The following VPS13B variants were observed in gnomAD, a reference collection of about 807,000 sequenced individuals.
The protein encoded by VPS13B is intermembrane lipid transfer protein VPS13B.
In VPS13B, 285 loss-of-function variants were observed where a neutral mutation model predicts 426.4. The ratio of observed to expected loss-of-function variants is 0.67; its 90% confidence interval spans 0.61 to 0.74. The LOEUF (loss-of-function observed/expected upper bound fraction) is 0.74, where lower values mean the gene tolerates loss of function less well. Among genes scored for constraint, VPS13B ranks in the 30% least tolerant of loss-of-function variants. VPS13B has a pLI of 0.00. For synonymous variants in VPS13B, 1,676 were observed against 1,676.4 expected (o/e 1.00, Z 0.01); for missense variants, 4,537 against 4,782.6 (o/e 0.95, Z 1.51).
chr8:99,051,902 G>A (rs2132266883), intron 3 of VPS13B, among the ~76,000 whole-genome samples: 1 of 152,312 alleles, frequency 6.6e-6, no homozygotes, highest in South Asian at 2.1e-4. Context: ...CTTTGCTGAA[G>A]TCGCCTATCA....
At chr8:99,783,429 T>G (rs970617358) in intron 42 of VPS13B, among the ~76,000 whole-genome samples, 5 of 152,224 alleles carry the variant, frequency 3.3e-5, no homozygotes, top group Admixed American at 1.3e-4. Context: ...AGCATTCTTT[T>G]AGTTTACCAA....
At chr8:99,534,979 G>A (rs1239123358) in intron 30 of VPS13B, among the ~76,000 whole-genome samples, 4 of 152,114 alleles carry the variant, frequency 2.6e-5, no homozygotes, top group Non-Finnish European at 4.4e-5. Context: ...AATGTGAGAA[G>A]CAGTGTTGGC....
rs548009194 is a variant in VPS13B, at chr8:99,806,307, T to C, written c.7942-3068T>C. Among the ~76,000 whole-genome samples, 9 of 152,378 alleles carry C rather than the reference T, an allele frequency of 5.9e-5. No individual in the cohort carries two copies. The South Asian group carries it at 1.9e-3, about 32-fold the overall frequency. On this transcript the variant is annotated intron_variant, in intron 43 of 61. Transcript: ENST00000357162. ...TTAACCTTGTCCCGAGCATGTGTAC[T>C]ACTTTGCACATCTCACATTGTCTTT...
chr8:99,055,488 C>T (rs924603555), intron 3 of VPS13B, among the ~76,000 whole-genome samples: 1 of 152,194 alleles, frequency 6.6e-6, no homozygotes, highest in East Asian at 1.9e-4. Context: ...GTATTAGCAT[C>T]TTAACGATGT....
intron 19 of VPS13B, among the ~76,000 whole-genome samples, chr8:99,339,682 A>G (rs1811130385): frequency 6.6e-6 from 1 of 152,080 alleles, no homozygotes; most frequent in Non-Finnish European, 1.5e-5. Flanking sequence ...TTTTACGGAA[A>G]GGGAACCATA....
chr8:99,492,510 C>CGGTG (rs1820666157), intron 25 of VPS13B, among the ~76,000 whole-genome samples: 1 of 152,198 alleles, frequency 6.6e-6, no homozygotes, highest in African/African-American at 2.4e-5. Context: ...AGCTGAGTTG[C>CGGTG]GGTGGGCTCT....
intron 15 of VPS13B, among the ~76,000 whole-genome samples, chr8:99,163,697 G>A (rs145382436): frequency 2.3e-3 from 349 of 152,314 alleles, no homozygotes; most frequent in Middle Eastern, 0.021. Flanking sequence ...CTCTGAGTGC[G>A]GAGCCCACCA....
intron 3 of VPS13B, among the ~76,000 whole-genome samples, chr8:99,067,233 G>A (rs1172895422): frequency 6.6e-6 from 1 of 152,162 alleles, no homozygotes; most frequent in Non-Finnish European, 1.5e-5. Context: ...GTAAAGACTT[G>A]GAGCCAACCC....
At chr8:99,053,322 G>C (rs1202821040) in intron 3 of VPS13B, among the ~76,000 whole-genome samples, 2 of 151,950 alleles carry the variant, frequency 1.3e-5, no homozygotes, top group Non-Finnish European at 2.9e-5. Flanking sequence ...CCCATTGTGT[G>C]ATGTTCCCCT....
chr8:99,425,528 A>C (rs187307506), intron 21 of VPS13B, among the ~76,000 whole-genome samples: 60 of 152,330 alleles, frequency 3.9e-4, no homozygotes, highest in Admixed American at 2.6e-3. Flanking sequence ...CTTCATACTA[A>C]AAACTCTCAA....
rs758186677 is a variant in VPS13B at position 99,832,635 on chromosome 8, A to G, written c.9597A>G (p.Glu3199=). ...CAGTACCCCTCGGGAATTTCCGGGA[A>G]AATGGATTCTGTACCAGGTATTTTA... ...SVAVPLGNFR[E]NGFCTRAIVL... Residue 3199 remains glutamate, a synonymous_variant, in exon 52 of 62, where the codon GAA becomes GAG. Transcript: ENST00000357162. 6.2e-7 allele frequency: 1 copy of G among 1,613,634 alleles called. No individual in the cohort carries two copies. The highest frequency in any genetic ancestry group is 2.2e-5 in the East Asian group (1 of 44,890).
intron 3 of VPS13B, among the ~76,000 whole-genome samples, chr8:99,089,611 T>C (rs956923684): frequency 2.6e-5 from 4 of 152,038 alleles, no homozygotes; most frequent in South Asian, 2.1e-4. Flanking sequence ...CTGGAATCCA[T>C]AGAAGGGAGT....
chr8:99,105,586 C>A (rs1193692213), intron 5 of VPS13B, among the ~76,000 whole-genome samples: 2 of 152,174 alleles, frequency 1.3e-5, no homozygotes. Flanking sequence ...ACCATGTTGG[C>A]CAGTCTGGTC....
At chr8:99,427,965 C>T (rs902747767) in intron 21 of VPS13B, among the ~76,000 whole-genome samples, 2 of 152,020 alleles carry the variant, frequency 1.3e-5, no homozygotes, top group Admixed American at 6.6e-5. Context: ...CAGAACAGAG[C>T]CCTCAGAAAT....
At chr8:99,164,089 C>T (rs1322064687) in intron 15 of VPS13B, among the ~76,000 whole-genome samples, 4 of 152,190 alleles carry the variant, frequency 2.6e-5, no homozygotes, top group Admixed American at 2.6e-4. Context: ...GAGGGGAACT[C>T]TCCAGGCCAG....
chr8:99,486,838 T>C (rs967828610), intron 25 of VPS13B, among the ~76,000 whole-genome samples: 2 of 152,194 alleles, frequency 1.3e-5, no homozygotes, highest in Admixed American at 1.3e-4. Flanking sequence ...GACACCATAG[T>C]ATTTGTCTTT....
At chr8:99,721,436 A>T (rs538012637) in intron 39 of VPS13B, among the ~76,000 whole-genome samples, 2 of 152,262 alleles carry the variant, frequency 1.3e-5, no homozygotes, top group South Asian at 2.1e-4. Flanking sequence ...CTAGAAAGAG[A>T]TGACTGTAGT....
At chr8:99,184,316 C>A (rs540367359) in intron 16 of VPS13B, among the ~76,000 whole-genome samples, 3 of 152,246 alleles carry the variant, frequency 2.0e-5, no homozygotes, top group South Asian at 2.1e-4. Context: ...AATATGATAT[C>A]ATTTTATATT....
intron 2 of VPS13B, among the ~76,000 whole-genome samples, chr8:99,025,402 T>A (rs1460854418): frequency 6.6e-6 from 1 of 152,214 alleles, no homozygotes; most frequent in Non-Finnish European, 1.5e-5. Flanking sequence ...ATTCTTGCAT[T>A]CCTGGGATAA....
Sources: gnomAD v4.1 joint callset for allele counts (sites outside exome capture counted in the v4.1 genomes callset) on GRCh38, gnomAD v4.1.1 for gene constraint, MANE v1.5 for transcripts, NCBI Gene and HGNC (gene_info 2026-07-23, HGNC 2026-07-21) for gene names.